The following FAM114A1 variants were observed in gnomAD, a reference collection of about 807,000 sequenced individuals.
The protein encoded by FAM114A1 is protein NOXP20.
A neutral mutation model predicts 64.3 loss-of-function variants in FAM114A1; 62 were observed. That is an observed-to-expected ratio of 0.96 (90% CI 0.79 to 1.19). The LOEUF (loss-of-function observed/expected upper bound fraction) is 1.19. Ranked by LOEUF, FAM114A1 falls within the 50% of genes most tolerant of loss-of-function variation. The pLI, the probability that FAM114A1 is intolerant of heterozygous loss-of-function variation, is 0.00. For missense variants in FAM114A1, 645 were observed against 676.3 expected (o/e 0.95, Z 0.51); for synonymous variants, 254 against 251.1 (o/e 1.01, Z -0.11).
At chr4:38,905,992 T>A in intron 6 of FAM114A1, 131 bp downstream of exon 6, 1 of 724,902 alleles carries the variant, frequency 1.4e-6, no homozygotes, top group Non-Finnish European at 2.1e-6. Flanking sequence ...TATGGTTTTT[T>A]TTTTAATGTT....
chr4:38,917,147 TAC>T (rs1719131750), intron 8 of FAM114A1, among the ~76,000 whole-genome samples: 1 of 94,934 alleles, frequency 1.1e-5, no homozygotes, highest in African/African-American at 6.2e-5. Flanking sequence ...CTACTAAAAA[TAC>T]AAATAAATAA....
chr4:38,920,888 C>T (rs1719526354), intron 8 of FAM114A1, among the ~76,000 whole-genome samples: 1 of 152,178 alleles, frequency 6.6e-6, no homozygotes, highest in South Asian at 2.1e-4. Flanking sequence ...CTGCTGAACT[C>T]CACGCTAATG....
intron 13 of FAM114A1, among the ~76,000 whole-genome samples, chr4:38,938,948 A>T: frequency 6.6e-6 from 1 of 152,222 alleles, no homozygotes; most frequent in East Asian, 1.9e-4. Context: ...ATTGCTTTCC[A>T]TTCCTTCTGC....
chr4:38,926,618 G>A (rs1392973531), intron 9 of FAM114A1, among the ~76,000 whole-genome samples: 2 of 152,036 alleles, frequency 1.3e-5, no homozygotes, highest in Non-Finnish European at 2.9e-5. Flanking sequence ...ACCACACCTG[G>A]CAAATTTTTG....
intron 2 of FAM114A1, among the ~76,000 whole-genome samples, chr4:38,875,667 G>T (rs1203992912): frequency 6.6e-6 from 1 of 152,132 alleles, no homozygotes; most frequent in African/African-American, 2.4e-5. Flanking sequence ...TTGTCTGATT[G>T]CTCTGGCTAG....
At chr4:38,886,721 A>G (rs925928650) in intron 3 of FAM114A1, among the ~76,000 whole-genome samples, 2 of 151,624 alleles carry the variant, frequency 1.3e-5, no homozygotes, top group African/African-American at 4.8e-5. Context: ...TGAGGTCAGG[A>G]GTTCAAGACC....
At chr4:38,924,956 T>C (rs143729341) in intron 9 of FAM114A1, among the ~76,000 whole-genome samples, 18 of 152,344 alleles carry the variant, frequency 1.2e-4, no homozygotes, top group African/African-American at 4.3e-4. Flanking sequence ...AAGGAGATAT[T>C]GTTGCCAATG....
chr4:38,900,391 T>A (rs958858000), intron 4 of FAM114A1, among the ~76,000 whole-genome samples: 1 of 152,132 alleles, frequency 6.6e-6, no homozygotes, highest in Non-Finnish European at 1.5e-5. Context: ...ATTCCACTTC[T>A]GATTATATTT....
Position 38,922,774 on chromosome 4 carries a change from A to G in FAM114A1, c.950A>G (p.Gln317Arg). 1.2e-6 allele frequency: 2 copies of G among 1,608,114 alleles called. No homozygotes were observed. Among genetic ancestry groups the G allele is most frequent in the Non-Finnish European group, 1.7e-6 (2 of 1,178,502 alleles). Residue 317 changes from glutamine (Q) to arginine (R), a missense_variant, in exon 9 of 15, where the codon CAG (glutamine) becomes CGG (arginine). Transcript: ENST00000358869. ...ILSNESESKV[Q>R]SFLASLDGEK... ...CTGACCTATTTCTTTTTTCAGGTTC[A>G]GTCATTTTTAGCATCACTTGATGGA...
chr4:38,899,360 C>G (rs1717282002), intron 4 of FAM114A1, among the ~76,000 whole-genome samples: 1 of 152,142 alleles, frequency 6.6e-6, no homozygotes, highest in Non-Finnish European at 1.5e-5. Context: ...ATATCAACAG[C>G]TCCCTCATTG....
Position 38,929,257 on chromosome 4 carries a change from G to T in FAM114A1, c.1085G>T (p.Gly362Val). The change falls in exon 10 of 15, where the codon GGA (glycine) becomes GTA (valine). Residue 362 changes from glycine to valine, a missense_variant. Coordinates refer to ENST00000358869, the MANE Select transcript of FAM114A1 (RefSeq NM_138389.4). ...NQEEQGLEEK[G>V]EEFARMLTEL... ...CTATTTCTAGGCTTAGAAGAAAAGG[G>T]AGAAGAATTTGCTCGCATGCTTACA... 1 of 1,613,504 alleles carries T rather than the reference G, an allele frequency of 6.2e-7. No individual in the cohort carries two copies. Among genetic ancestry groups the T allele is most frequent in the South Asian group, 1.1e-5 (1 of 91,076 alleles).
rs775302665 is a variant in FAM114A1 at position 38,878,383 on chromosome 4, C to G, written c.305C>G (p.Ala102Gly). 4 of 1,609,252 alleles carry G rather than the reference C, an allele frequency of 2.5e-6. No homozygotes were observed. Among genetic ancestry groups the G allele is most frequent in the Non-Finnish European group, 3.4e-6 (4 of 1,177,328 alleles). ...TGTATTGATTCCGTCAGCCTTGAGG[C>G]AGAACCCAGATCCGAAATACCCCTG... ...AECIDSVSLE[A>G]EPRSEIPLQE... Residue 102 changes from alanine (A) to glycine (G), a missense_variant, in exon 3 of 15, where the codon GCA (alanine) becomes GGA (glycine). Physicochemically the swap from Ala to Gly is moderately conservative, Grantham distance 60 (BLOSUM62 0). Coordinates refer to ENST00000358869, the MANE Select transcript of FAM114A1 (RefSeq NM_138389.4).
At chr4:38,880,176 A>AGTAGAATAGAATAGAATAG (rs1715114529) in intron 3 of FAM114A1, among the ~76,000 whole-genome samples, 1 of 151,396 alleles carries the variant, frequency 6.6e-6, no homozygotes, top group African/African-American at 2.4e-5. Flanking sequence ...AATAGAATAG[A>AGTAGAATAGAATAGAATAG]AAATATTGAT....
At chr4:38,890,089 C>T (rs1347967532) in intron 3 of FAM114A1, among the ~76,000 whole-genome samples, 4 of 152,062 alleles carry the variant, frequency 2.6e-5, no homozygotes, top group Non-Finnish European at 5.9e-5. Context: ...TTCATATGGC[C>T]ATCCTTATCT....
rs73811256 is a variant in FAM114A1, at chr4:38,935,580, A to T, written c.1464-138A>T. The T allele has an allele frequency of 9.1e-3, 4,802 of 530,406 alleles. 193 individuals carry two copies. The highest frequency in any genetic ancestry group is 0.086 in the African/African-American group (4,358 of 50,552). 32.9% of individuals were successfully genotyped at this position (530,406 alleles called of 1,614,324 possible). The stretch of plus-strand genomic sequence containing the variant: ...TGATTAAGGAAAACCGCCTGACTGC[A>T]CATTTCTGTAGAGCATCTTCAAGCA... On this transcript the variant is annotated intron_variant, in intron 12 of 14. Coordinates refer to ENST00000358869, the MANE Select transcript of FAM114A1 (RefSeq NM_138389.4).
chr4:38,889,349 A>G (rs936908953), intron 3 of FAM114A1, among the ~76,000 whole-genome samples: 1 of 152,326 alleles, frequency 6.6e-6, no homozygotes, highest in East Asian at 1.9e-4. Flanking sequence ...TGAGTCATGA[A>G]TATTTCCATT....
At position 38,909,946 on chromosome 4, in the gene FAM114A1, T is replaced by C. The variant is rs1485765723; in HGVS notation, c.792+1220T>C. 3.9e-5 allele frequency among the ~76,000 whole-genome samples: 6 copies of C among 151,908 alleles called. No homozygotes were observed. The East Asian group carries it at 9.6e-4, about 24-fold the overall frequency. ...CCCTGCTGCTCCTTGAAAAAGAAAATAGATGGCTGGGCACAGTGGCTCATG... is the reference window on the plus strand; with the variant it reads ...CCCTGCTGCTCCTTGAAAAAGAAAACAGATGGCTGGGCACAGTGGCTCATG... On this transcript the variant is annotated intron_variant, in intron 7 of 14. Coordinates refer to ENST00000358869, the MANE Select transcript of FAM114A1 (RefSeq NM_138389.4).
chr4:38,903,567 A>G (rs1717708365), intron 4 of FAM114A1, among the ~76,000 whole-genome samples: 2 of 152,130 alleles, frequency 1.3e-5, no homozygotes, highest in Admixed American at 6.5e-5. Flanking sequence ...AAATGCATAT[A>G]TATATATTTA....
rs778522224 is a variant in FAM114A1, at chr4:38,922,780, T to G, written c.956T>G (p.Phe319Cys). ...SNESESKVQSFLASLDGEKLE... is the reference protein window; with the variant it reads ...SNESESKVQSCLASLDGEKLE... ...TATTTCTTTTTTCAGGTTCAGTCAT[T>G]TTTAGCATCACTTGATGGAGAGAAG... is the stretch of plus-strand genomic sequence containing the variant. The change falls in exon 9 of 15, where the codon TTT becomes TGT. Residue 319 changes from phenylalanine (F) to cysteine (C), a missense_variant. Coordinates refer to ENST00000358869, the MANE Select transcript of FAM114A1 (RefSeq NM_138389.4). 11 of 1,610,548 alleles carry G rather than the reference T, an allele frequency of 6.8e-6. No homozygotes were observed. In the East Asian group the frequency reaches 2.5e-4, roughly 36 times the overall value.
Sources: allele counts gnomAD v4.1 joint callset (sites outside exome capture counted in the v4.1 genomes callset), GRCh38; gene constraint gnomAD v4.1.1; transcripts MANE v1.5; gene names NCBI Gene and HGNC (gene_info 2026-07-23, HGNC 2026-07-21).